Variants in NUP205 observed in about 807,000 individuals in gnomAD.
The protein encoded by NUP205 is nuclear pore complex protein Nup205.
NUP205 carries 76 observed loss-of-function variants against 253.8 expected under a neutral mutation model. The ratio of observed to expected loss-of-function variants is 0.30; its 90% confidence interval spans 0.25 to 0.36. The LOEUF (loss-of-function observed/expected upper bound fraction) is 0.36, where lower values mean the gene tolerates loss of function less well. Among genes scored for constraint, NUP205 ranks in the 10% least tolerant of loss-of-function variants. The pLI is 1.00. For synonymous variants in NUP205, 832 were observed against 850.1 expected (o/e 0.98, Z 0.37); for missense variants, 2,162 against 2,425.5 (o/e 0.89, Z 2.28).
At chr7:135,585,818 A>T (rs557290959) in intron 8 of NUP205, among the ~76,000 whole-genome samples, 23 of 152,336 alleles carry the variant, frequency 1.5e-4, no homozygotes, top group African/African-American at 5.5e-4. Context: ...CTGGGATTGC[A>T]GGTGTGAACC....
intron 10 of NUP205, among the ~76,000 whole-genome samples, chr7:135,590,092 A>G (rs1806584802): frequency 6.7e-6 from 1 of 149,608 alleles, no homozygotes; most frequent in African/African-American, 2.5e-5. Context: ...TTCATCTACT[A>G]TATTATTATT....
chr7:135,644,758 A>G, intron 39 of NUP205, 137 bp from the exon 40 acceptor site: 1 of 804,638 alleles, frequency 1.2e-6, no homozygotes, highest in Non-Finnish European at 1.9e-6. Context: ...CTTCTTAGAT[A>G]AAAACTCTTA....
rs550081963 is a variant in NUP205 at position 135,587,580 on chromosome 7, A to G, written c.1224A>G (p.Lys408=). The G allele has an allele frequency of 1.3e-3, 2,033 of 1,588,232 alleles. 41 individuals carry two copies. In the South Asian group the frequency reaches 0.022, roughly 17 times the overall value. Residue 408 remains lysine, a synonymous_variant, in exon 9 of 43, where the codon AAA becomes AAG. Transcript: ENST00000285968. The part of the protein sequence containing the change: ...DFLALMPMKV[K]QLRNRADEDA... ...ATATCTAATAAATTTAATAGGTGAA[A>G]CAGCTGAGGAATCGGGCAGATGAAG...
rs199578771 is a variant in NUP205, at chr7:135,576,920, G to T, written c.489-49G>T. ...TTGCTATACCTATTATTATGAAGAA[G>T]CATAAACAATATTGTTTAACGTAGT... On this transcript the variant is annotated intron_variant, in intron 4 of 42. Coordinates refer to ENST00000285968, the MANE Select transcript of NUP205 (RefSeq NM_015135.3). The T allele has an allele frequency of 3.5e-5, 54 of 1,534,178 alleles. 1 individual carries two copies. In the East Asian group the frequency reaches 1.2e-3, roughly 34 times the overall value.
Position 135,618,424 on chromosome 7 carries a change from G to A in NUP205, c.3784G>A (p.Val1262Ile). The change falls in exon 28 of 43, where the codon GTA (valine) becomes ATA (isoleucine). Residue 1262 changes from valine (V) to isoleucine (I), a missense_variant. Physicochemically the swap from Val to Ile is conservative, Grantham distance 29. Coordinates refer to ENST00000285968, the MANE Select transcript of NUP205 (RefSeq NM_015135.3). ...CCTGTGGCTTTAGGAAATCAGCACTGTACTTCAGTATGTGGTAGGAAGAAA... is the reference window on the plus strand; with the variant it reads ...CCTGTGGCTTTAGGAAATCAGCACTATACTTCAGTATGTGGTAGGAAGAAA... ...RPLLMEEIST[V>I]LQYVVGRNKL... 3.7e-6 allele frequency: 6 copies of A among 1,613,942 alleles called. No individual in the cohort carries two copies. Among genetic ancestry groups the A allele is most frequent in the Non-Finnish European group, 4.2e-6 (5 of 1,179,920 alleles).
chr7:135,648,380 A>C, intron 42 of NUP205, 24 bp from the exon 43 acceptor site: 1 of 1,516,916 alleles, frequency 6.6e-7, no homozygotes, highest in Non-Finnish European at 8.8e-7. Flanking sequence ...AATTTTAACA[A>C]AATGTCTTTT....
chr7:135,558,169 TG>T lies in NUP205; in HGVS notation c.28+201del. The T allele has an allele frequency of 4.9e-6, 3 of 615,990 alleles. No homozygotes were observed. In the South Asian group the frequency reaches 5.4e-5, roughly 11 times the overall value. 38.2% of individuals were successfully genotyped at this position (615,990 alleles called of 1,614,324 possible). A position where few individuals can be genotyped will look rare whatever the true frequency, so the allele number is the denominator to read the frequency against. On this transcript the variant is annotated intron_variant, in intron 1 of 42. Transcript: ENST00000285968. ...GGTGCTGCGGCTCCAGCCCTCGAGT[TG>T]GGGTTTGAGATTCCAGGCAGTGAGG...
chr7:135,557,960 G>A lies in NUP205; in HGVS notation c.16G>A (p.Ala6Thr). The part of the protein sequence containing the change: MATPL[A>T]VNSAASLWGP... Reference sequence around the variant, plus strand: ...CGCCTCTAAGATGGCGACGCCTTTGGCGGTAAATTCGGGTAAGTGTGGCCA... The same window carrying A: ...CGCCTCTAAGATGGCGACGCCTTTGACGGTAAATTCGGGTAAGTGTGGCCA... The change falls in exon 1 of 43, where the codon GCG becomes ACG. Residue 6 changes from alanine (A) to threonine (T), a missense_variant. Ala to Thr is a moderately conservative substitution (Grantham distance 58, BLOSUM62 0). Around this residue, in one of 5 missense-constraint regions of NUP205, gnomAD observed 109 missense variants for 131.8 expected, o/e 0.83. Transcript: ENST00000285968. The A allele has an allele frequency of 1.9e-6, 3 of 1,613,902 alleles. No individual in the cohort carries two copies. Among genetic ancestry groups the A allele is most frequent in the Non-Finnish European group, 2.5e-6 (3 of 1,179,746 alleles).
In NUP205 at chr7:135,617,093, G is replaced by C. The variant is rs370766991; in HGVS notation, c.3536G>C (p.Arg1179Pro). 12 of 1,604,900 alleles carry C rather than the reference G, an allele frequency of 7.5e-6. No individual in the cohort carries two copies. The highest frequency in any genetic ancestry group is 3.4e-5 in the Admixed American group (2 of 58,126). The change falls in exon 26 of 43, where the codon CGT (arginine) becomes CCT (proline). Residue 1179 changes from arginine (R) to proline (P), a missense_variant. Around this residue, in one of 5 missense-constraint regions of NUP205, gnomAD observed 1,144 missense variants for 1,280.9 expected, o/e 0.89. Transcript: ENST00000285968. ...AATTACTTTTTATTATTTCTAGTAC[G>C]TCGAAAAATTCTAAATATTCTTGAC... Reference protein sequence around the residue: ...FLHFDTATKVRRKILNILDSI... With the variant: ...FLHFDTATKVPRKILNILDSI...
chr7:135,573,197 C>T (rs1040598933), intron 2 of NUP205, among the ~76,000 whole-genome samples: 3 of 151,966 alleles, frequency 2.0e-5, no homozygotes, highest in Non-Finnish European at 4.4e-5. Flanking sequence ...CTGTACTGTA[C>T]GTCATATGTT....
intron 35 of NUP205, among the ~76,000 whole-genome samples, chr7:135,634,838 G>T (rs1584689583): frequency 6.6e-6 from 1 of 152,292 alleles, no homozygotes; most frequent in East Asian, 1.9e-4. Context: ...AGGAGGACTT[G>T]TCATTATGAG....
intron 17 of NUP205, among the ~76,000 whole-genome samples, 164 bp downstream of exon 17, chr7:135,601,671 G>A (rs1038343951): frequency 6.6e-6 from 1 of 152,146 alleles, no homozygotes; most frequent in Admixed American, 6.5e-5. Context: ...TGAGAGTATT[G>A]TAAGTAAAAA....
intron 6 of NUP205, 135 bp from the exon 7 acceptor site, chr7:135,578,616 T>C (rs73725141): frequency 0.034 from 19,740 of 583,858 alleles, 418 homozygotes; most frequent in Middle Eastern, 0.07. Flanking sequence ...TTTTGGGATG[T>C]AGAAATTAAT....
Position 135,578,001 on chromosome 7 carries a change from A to G in NUP205, c.854A>G (p.Glu285Gly). Residue 285 changes from glutamate (E) to glycine (G), a missense_variant, in exon 6 of 43, where the codon GAG becomes GGG. By Grantham distance (98) the Glu-to-Gly change is moderately conservative. This residue lies in a region of NUP205 where 892 missense variants were observed against 957.1 expected (regional missense o/e 0.93). Coordinates refer to ENST00000285968, the MANE Select transcript of NUP205 (RefSeq NM_015135.3). ...TACTGTTTTGATATCAGTTTTATAG[A>G]GCAAAGCACAGAGGAACGAGATGGT... ...LLYCFDISFI[E>G]QSTEERDDMI... 1 of 1,612,968 alleles carries G rather than the reference A, an allele frequency of 6.2e-7. No individual in the cohort carries two copies. Among genetic ancestry groups the G allele is most frequent in the Non-Finnish European group, 8.5e-7 (1 of 1,178,960 alleles).
chr7:135,602,968 G>A lies in NUP205; in HGVS notation c.2676G>A (p.Lys892=). Residue 892 remains lysine (K), a synonymous_variant, in exon 18 of 43, where the codon AAG becomes AAA. Transcript: ENST00000285968. ...LLQGINPRTK[K]ADNVVNIARY... ...AGGGAATTAATCCCAGAACTAAGAA[G>A]GCAGATAATGTGGTAAACATTGCCA... The A allele has an allele frequency of 1.9e-6, 3 of 1,612,296 alleles. No homozygotes were observed. The highest frequency in any genetic ancestry group is 2.5e-6 in the Non-Finnish European group (3 of 1,178,872).
intron 22 of NUP205, among the ~76,000 whole-genome samples, chr7:135,607,822 A>C (rs1794120759): frequency 6.6e-6 from 1 of 150,754 alleles, no homozygotes; most frequent in Non-Finnish European, 1.5e-5. Context: ...TTTTTTTTTT[A>C]AGAAGGGGTC....
intron 9 of NUP205, 58 bp from the exon 10 acceptor site, chr7:135,587,797 T>C: frequency 6.5e-7 from 1 of 1,537,174 alleles, no homozygotes; most frequent in Non-Finnish European, 8.8e-7. Flanking sequence ...CTTTTTTTTA[T>C]TGAAAGTAAT....
chr7:135,635,664 G>C lies in NUP205; in HGVS notation c.5136+7G>C. 1 of 1,517,774 alleles carries C rather than the reference G, an allele frequency of 6.6e-7. No individual in the cohort carries two copies. Among genetic ancestry groups the C allele is most frequent in the Non-Finnish European group, 9.1e-7 (1 of 1,098,500 alleles). 94.0% of individuals were successfully genotyped at this position (1,517,774 alleles called of 1,614,324 possible). ...ACATATTGGAAGATTCCAGGTAACTGATTCTTATTTCTTTAAATAGCAGTT... is the reference window on the plus strand; with the variant it reads ...ACATATTGGAAGATTCCAGGTAACTCATTCTTATTTCTTTAAATAGCAGTT... On this transcript the variant is annotated splice_region_variant and intron_variant, in intron 36 of 42. Transcript: ENST00000285968.
At chr7:135,609,439 C>T (rs1234784552) in intron 22 of NUP205, among the ~76,000 whole-genome samples, 1 of 150,964 alleles carries the variant, frequency 6.6e-6, no homozygotes, top group Non-Finnish European at 1.5e-5. Context: ...GATCGCGCCA[C>T]TGCACTCCAG....
Sources: gnomAD v4.1 joint callset for allele counts (sites outside exome capture counted in the v4.1 genomes callset) on GRCh38, gnomAD v4.1.1 for gene constraint, gnomAD v4.1.1 regional missense constraint, MANE v1.5 for transcripts, NCBI Gene and HGNC (gene_info 2026-07-23, HGNC 2026-07-21) for gene names.